XCR1: variants seen among roughly 807,000 people sequenced by gnomAD.
XCR1 encodes the protein X-C motif chemokine receptor 1.
For missense variants in XCR1, 356 were observed against 424.2 expected, an observed-to-expected ratio of 0.84 and a Z score of 1.41; for synonymous variants, 187 against 188.5, an observed-to-expected ratio of 0.99 and a Z score of 0.06.
chr3:46,028,447 A>C (rs980987272), upstream of XCR1, among the ~76,000 whole-genome samples: 10 of 151,024 alleles, frequency 6.6e-5, no homozygotes, highest in Non-Finnish European at 1.3e-4. Flanking sequence ...TTTATTATTA[A>C]ATTGTAAGAG....
intron 3 of XCR1, among the ~76,000 whole-genome samples, chr3:46,068,382 C>G (rs1263171623): frequency 1.3e-5 from 2 of 152,064 alleles, no homozygotes; most frequent in African/African-American, 4.8e-5. Flanking sequence ...TTGCTTTCTT[C>G]TTGATATATC....
chr3:46,043,418 G>A (rs900542908), intron 5 of XCR1, among the ~76,000 whole-genome samples: 10 of 152,224 alleles, frequency 6.6e-5, no homozygotes, highest in Admixed American at 6.5e-5. Flanking sequence ...TCCAGCCTGG[G>A]CAACAGAGCG....
chr3:46,060,231 A>T (rs752780455), intron 4 of XCR1, among the ~76,000 whole-genome samples: 2 of 152,190 alleles, frequency 1.3e-5, no homozygotes, highest in Non-Finnish European at 2.9e-5. Flanking sequence ...TTTTGCCCTC[A>T]GTAAGCACCT....
Position 46,021,684 on chromosome 3 carries a change from G to A in XCR1, c.264C>T (p.Ile88=), listed in dbSNP as rs1274087568. ...LVFACLLPVW[I]SPYHWGWVLG... is the part of the protein sequence containing the mutation. ...GCACCCAGCCCCAGTGGTATGGGGAGATCCACACAGGCAACAAGCAGGCGA... is the reference window on the plus strand; with the variant it reads ...GCACCCAGCCCCAGTGGTATGGGGAAATCCACACAGGCAACAAGCAGGCGA... Residue 88 remains isoleucine (I), a synonymous_variant, in exon 2 of 2, where the codon ATC becomes ATT. Coordinates refer to ENST00000309285, the MANE Select transcript of XCR1 (RefSeq NM_001024644.2). This position sits in a 1 kb window ranked among gnomAD's most constrained non-coding sequence, Gnocchi z 4.7. The A allele has an allele frequency of 1.2e-6, 2 of 1,614,084 alleles. No individual in the cohort carries two copies. Among genetic ancestry groups the A allele is most frequent in the African/African-American group, 2.7e-5 (2 of 75,000 alleles).
At chr3:46,085,706 C>T (rs1009347512) in intron 1 of XCR1, among the ~76,000 whole-genome samples, 10 of 151,938 alleles carry the variant, frequency 6.6e-5, no homozygotes, top group Non-Finnish European at 1.2e-4. Flanking sequence ...TGCATAATGC[C>T]GGCACCCCCA....
intron 2 of XCR1, among the ~76,000 whole-genome samples, chr3:46,076,141 A>G (rs1421203378): frequency 6.6e-6 from 1 of 152,230 alleles, no homozygotes; most frequent in Non-Finnish European, 1.5e-5. Context: ...TGATTCCATG[A>G]GCAGCTAAGA....
upstream of XCR1, among the ~76,000 whole-genome samples, chr3:46,028,279 G>T (rs1340349853): frequency 1.3e-5 from 2 of 152,190 alleles, no homozygotes; most frequent in South Asian, 2.1e-4. Context: ...CAAACAACAG[G>T]AGTGAAACAG....
At chr3:46,069,908 AT>A (rs61295539) in intron 3 of XCR1, among the ~76,000 whole-genome samples, 35,792 of 142,726 alleles carry the variant, frequency 0.25, 4,486 homozygotes, top group Middle Eastern at 0.35. Context: ...TTTGCGATCT[AT>A]TTTTTTTTTT....
intron 5 of XCR1, among the ~76,000 whole-genome samples, chr3:46,050,392 T>C (rs1298992277): frequency 6.6e-6 from 1 of 152,204 alleles, no homozygotes; most frequent in Non-Finnish European, 1.5e-5. Context: ...AGAGAACTAC[T>C]TTCTGAAGCC....
intron 4 of XCR1, among the ~76,000 whole-genome samples, chr3:46,063,553 T>G (rs1698006633): frequency 6.6e-6 from 1 of 152,118 alleles, no homozygotes; most frequent in Admixed American, 6.5e-5. Flanking sequence ...CTCATACACA[T>G]CAGTCCTCAG....
rs1402093454 is a variant in XCR1, at chr3:46,019,867, C to T, written c.*1079G>A. ...GGGGAGATGCCAAGGAAGTGAGGCC[C>T]TGTTTCAGGGATGAAACCATGGGCA... is the stretch of plus-strand genomic sequence containing the variant. On this transcript the variant is annotated 3_prime_UTR_variant, in exon 2 of 2. Coordinates refer to ENST00000309285, the MANE Select transcript of XCR1 (RefSeq NM_001024644.2). 6.6e-6 allele frequency: 1 copy of T among 152,258 alleles called. No homozygotes were observed. Among genetic ancestry groups the T allele is most frequent in the Admixed American group, 6.5e-5 (1 of 15,278 alleles). 9.4% of individuals were successfully genotyped at this position (152,258 alleles called of 1,614,324 possible).
chr3:46,042,762 C>T (rs562433027), intron 5 of XCR1, among the ~76,000 whole-genome samples: 4 of 152,166 alleles, frequency 2.6e-5, no homozygotes, highest in Non-Finnish European at 5.9e-5. Context: ...GAATTAACTC[C>T]AGTCCTTCTC....
chr3:46,021,675 G>T lies in XCR1; in HGVS notation c.273C>A (p.Tyr91Ter), dbSNP rs1427712887. The T allele has an allele frequency of 6.2e-7, 1 of 1,613,420 alleles. No homozygotes were observed. The highest frequency in any genetic ancestry group is 1.7e-5 in the Admixed American group (1 of 59,970). The change falls in exon 2 of 2, where the codon TAC becomes TAA. Residue 91 changes from tyrosine (Y) to a stop codon, truncating the protein, a stop_gained. Transcript: ENST00000309285. LOFTEE classifies it low-confidence loss of function (END_TRUNC). This position sits in a 1 kb window ranked among gnomAD's most constrained non-coding sequence, Gnocchi z 4.7. ...AGTCTCCCAGCACCCAGCCCCAGTG[G>T]TATGGGGAGATCCACACAGGCAACA... is the stretch of plus-strand genomic sequence containing the variant. The part of the protein sequence containing the change: ...ACLLPVWISP[Y>*]HWGWVLGDFL...
rs1375288413 is a variant in XCR1 at position 46,052,440 on chromosome 3, G to A, written c.-32+1480C>T. 4.6e-5 allele frequency among the ~76,000 whole-genome samples: 7 copies of A among 152,174 alleles called. No individual in the cohort carries two copies. In the East Asian group the frequency reaches 1.3e-3, roughly 29 times the overall value. On this transcript the variant is annotated intron_variant, in intron 5 of 5. Transcript: ENST00000683768. ...ACTGATTAGCCCAGTGATTTCCTTTGTTATAGGGAGGACAGTCCTGGTATT... is the reference window on the plus strand; with the variant it reads ...ACTGATTAGCCCAGTGATTTCCTTTATTATAGGGAGGACAGTCCTGGTATT...
chr3:46,055,895 G>A (rs1273061840), intron 4 of XCR1, among the ~76,000 whole-genome samples: 2 of 152,206 alleles, frequency 1.3e-5, no homozygotes, highest in South Asian at 2.1e-4. Context: ...GAAATTTGCA[G>A]ATAAGCCAGC....
At chr3:46,027,566 G>C (rs759899759), upstream of XCR1, 6 of 131,602 alleles carry the variant, frequency 4.6e-5, no homozygotes, top group African/African-American at 7.4e-5. Flanking sequence ...GGGGCCAGAG[G>C]GGGACAGCTA....
chr3:46,064,782 C>T (rs1012624328), intron 4 of XCR1, among the ~76,000 whole-genome samples: 1 of 152,212 alleles, frequency 6.6e-6, no homozygotes, highest in African/African-American at 2.4e-5. Context: ...AAGGGACCCC[C>T]ACTGATGCCA....
At chr3:46,079,416 A>G (rs1698318142) in intron 1 of XCR1, among the ~76,000 whole-genome samples, 1 of 152,172 alleles carries the variant, frequency 6.6e-6, no homozygotes, top group East Asian at 1.9e-4. Context: ...AAATTCTGAG[A>G]AAATTGCCTC....
chr3:46,063,521 G>A (rs1264308612), intron 4 of XCR1, among the ~76,000 whole-genome samples: 1 of 152,210 alleles, frequency 6.6e-6, no homozygotes, highest in Non-Finnish European at 1.5e-5. Context: ...CCAACCAGGA[G>A]AAAAGGGAAC....
Sources: gnomAD v4.1 joint callset for allele counts (sites outside exome capture counted in the v4.1 genomes callset) on GRCh38, gnomAD v4.1.1 for gene constraint, Gnocchi (gnomAD v3.1) non-coding constraint, MANE v1.5 for transcripts, NCBI Gene and HGNC (gene_info 2026-07-23, HGNC 2026-07-21) for gene names.